ASIC2: variants seen among roughly 807,000 people sequenced by gnomAD.
ASIC2 encodes the protein acid sensing ion channel subunit 2, also known as acid-sensing ion channel 2.
ASIC2 carries 25 observed loss-of-function variants against 57.3 expected under a neutral mutation model. That is an observed-to-expected ratio of 0.44 (90% CI 0.32 to 0.61). ASIC2 has a LOEUF of 0.61. Among genes scored for constraint, ASIC2 ranks in the 20% least tolerant of loss-of-function variants. The pLI, the probability that ASIC2 is intolerant of heterozygous loss-of-function variation, is 0.06. For missense variants in ASIC2, 641 were observed against 738.1 expected (o/e 0.87, Z 1.52); for synonymous variants, 319 against 307.5 (o/e 1.04, Z -0.39).
chr17:33,818,227 C>A (rs921715860), intron 1 of ASIC2, among the ~76,000 whole-genome samples: 4 of 152,190 alleles, frequency 2.6e-5, no homozygotes, highest in African/African-American at 9.7e-5. Flanking sequence ...TGGGAAACTA[C>A]AATCTGCTAC....
In ASIC2 at chr17:33,765,272, A is replaced by AT. The variant is rs549076853; in HGVS notation, c.555+390705dup. On this transcript the variant is annotated intron_variant, in intron 1 of 9. Coordinates refer to the ASIC2 transcript ENST00000359872. ...AGGCGCCCGCTACCACGCCCAGCTA[A>AT]TTTTTTTTTGTATTTTTAGTAGAGA... 2.0e-3 allele frequency among the ~76,000 whole-genome samples: 306 copies of AT among 150,990 alleles called. 1 individual carries two copies. The highest frequency in any genetic ancestry group is 3.4e-3 in the Non-Finnish European group (227 of 67,568).
chr17:33,792,016 C>T (rs1394447064), intron 1 of ASIC2: 1 of 151,998 alleles, frequency 6.6e-6, no homozygotes, highest in African/African-American at 2.4e-5. Context: ...CGTCACGTTG[C>T]CCAGGTTTGT....
intron 1 of ASIC2, among the ~76,000 whole-genome samples, chr17:33,602,389 G>A (rs1234121141): frequency 2.0e-5 from 3 of 152,120 alleles, no homozygotes; most frequent in South Asian, 2.1e-4. Context: ...CCCAGGAGTA[G>A]GCTCCTGATA....
At chr17:34,028,536 C>T (rs1459770573) in intron 1 of ASIC2, among the ~76,000 whole-genome samples, 1 of 152,190 alleles carries the variant, frequency 6.6e-6, no homozygotes, top group Non-Finnish European at 1.5e-5. Context: ...TCACTTCCAG[C>T]TATGAATTTA....
At chr17:33,817,147 G>A (rs769634460) in intron 1 of ASIC2, among the ~76,000 whole-genome samples, 39 of 152,170 alleles carry the variant, frequency 2.6e-4, no homozygotes, top group Non-Finnish European at 3.7e-4. Flanking sequence ...CTGGGCATCC[G>A]GATTCTTCGA....
chr17:33,332,193 G>C (rs1269260998), intron 1 of ASIC2, among the ~76,000 whole-genome samples: 1 of 152,212 alleles, frequency 6.6e-6, no homozygotes, highest in Non-Finnish European at 1.5e-5. Context: ...CCTTCTTGGT[G>C]CCAGGGAGGC....
In ASIC2 at chr17:33,529,445, T is replaced by A. The variant is rs61087944; in HGVS notation, c.556-417378A>T. Among the ~76,000 whole-genome samples, 563 of 152,274 alleles carry A rather than the reference T, an allele frequency of 3.7e-3. 5 individuals are homozygous for A. Among genetic ancestry groups the A allele is most frequent in the African/African-American group, 0.013 (546 of 41,570 alleles). ...ATCAGCATCAACATCACCTGGGAGCTTGTCAGAACTGCAGAATCTCAGACA... is the reference window on the plus strand; with the variant it reads ...ATCAGCATCAACATCACCTGGGAGCATGTCAGAACTGCAGAATCTCAGACA... On this transcript the variant is annotated intron_variant, in intron 1 of 9. Coordinates refer to the ASIC2 transcript ENST00000359872.
At position 33,286,334 on chromosome 17, in the gene ASIC2, T is replaced by C. The variant is rs149441460; in HGVS notation, c.708+5074A>G. On this transcript the variant is annotated intron_variant, in intron 1 of 9. Coordinates refer to ENST00000225823, the MANE Select transcript of ASIC2 (RefSeq NM_183377.2). ...GGGTGCAGGGAGGAGTGGCTTCTCATAGAGTTAGGAACAGGGTGGCAGCTG... is the reference window on the plus strand; with the variant it reads ...GGGTGCAGGGAGGAGTGGCTTCTCACAGAGTTAGGAACAGGGTGGCAGCTG... Among the ~76,000 whole-genome samples the C allele has an allele frequency of 4.0e-3, 607 of 152,234 alleles. 3 individuals are homozygous for C. The highest frequency in any genetic ancestry group is 0.014 in the African/African-American group (564 of 41,532).
chr17:33,497,995 G>C (rs1913989743), intron 1 of ASIC2, among the ~76,000 whole-genome samples: 1 of 152,210 alleles, frequency 6.6e-6, no homozygotes, highest in Non-Finnish European at 1.5e-5. Context: ...GTTCCTCAGA[G>C]GAGGCCAGGC....
chr17:33,925,334 C>T lies in ASIC2; in HGVS notation c.555+230644G>A, dbSNP rs140741183. ...CCATGCATGACACTTCTCGTCCTCCCCTCCAGGGAAGGCCAATGGTAACCC... is the reference window on the plus strand; with the variant it reads ...CCATGCATGACACTTCTCGTCCTCCTCTCCAGGGAAGGCCAATGGTAACCC... On this transcript the variant is annotated intron_variant, in intron 1 of 9. Coordinates refer to the ASIC2 transcript ENST00000359872. 1.9e-4 allele frequency among the ~76,000 whole-genome samples: 29 copies of T among 152,372 alleles called. 1 individual carries two copies. The highest frequency in any genetic ancestry group is 6.3e-4 in the African/African-American group (26 of 41,590).
At chr17:33,279,448 C>A (rs1904848098) in intron 1 of ASIC2, among the ~76,000 whole-genome samples, 2 of 152,178 alleles carry the variant, frequency 1.3e-5, no homozygotes, top group African/African-American at 2.4e-5. Context: ...GACTTTGGGC[C>A]ATGAACTCAT....
At chr17:33,074,109 C>A (rs1007078278) in intron 3 of ASIC2, among the ~76,000 whole-genome samples, 2 of 152,038 alleles carry the variant, frequency 1.3e-5, no homozygotes, top group Admixed American at 1.3e-4. Flanking sequence ...CCCCAGGAGC[C>A]CTAACTGAGG....
intron 3 of ASIC2, among the ~76,000 whole-genome samples, chr17:33,030,514 C>A (rs1332431864): frequency 2.6e-5 from 4 of 151,834 alleles, no homozygotes; most frequent in Non-Finnish European, 5.9e-5. Context: ...ATTTTTATTT[C>A]TTTTTCTTAC....
chr17:33,291,426 C>T lies in ASIC2; in HGVS notation c.690G>A (p.Gly230=), dbSNP rs141720961. The T allele has an allele frequency of 4.2e-5, 67 of 1,602,326 alleles. No homozygotes were observed. Among genetic ancestry groups the T allele is most frequent in the African/African-American group, 5.3e-5 (4 of 74,816 alleles). ...LSCKYRGELC[G]PHNFSSVFTK... ...AACTCACGGAGGAGAAGTTGTGCGG[C>T]CCGCAGAGCTCGCCGCGGTACTTGC... The change falls in exon 1 of 10, where the codon GGG becomes GGA. Residue 230 remains glycine (G), a synonymous_variant. Coordinates refer to ENST00000225823, the MANE Select transcript of ASIC2 (RefSeq NM_183377.2).
At chr17:34,146,217 T>C (rs768418287) in intron 1 of ASIC2, among the ~76,000 whole-genome samples, 1 of 152,204 alleles carries the variant, frequency 6.6e-6, no homozygotes, top group Non-Finnish European at 1.5e-5. Flanking sequence ...GGAATTGTTA[T>C]CGCCGTCTTG....
intron 1 of ASIC2, among the ~76,000 whole-genome samples, chr17:34,046,676 C>T (rs77139239): frequency 2.1e-3 from 323 of 152,272 alleles, no homozygotes; most frequent in African/African-American, 7.2e-3. Context: ...ACCATGGAAA[C>T]GAATGGCTTT....
At chr17:33,877,685 G>A (rs538186895) in intron 1 of ASIC2, among the ~76,000 whole-genome samples, 122 of 152,352 alleles carry the variant, frequency 8.0e-4, no homozygotes, top group Non-Finnish European at 1.4e-3. Flanking sequence ...TCTGGGGGCA[G>A]GGCACAGCCA....
intron 1 of ASIC2, among the ~76,000 whole-genome samples, chr17:33,585,070 C>T (rs1407903663): frequency 1.3e-5 from 2 of 152,190 alleles, no homozygotes; most frequent in Non-Finnish European, 2.9e-5. Flanking sequence ...GCCTCCTTCC[C>T]TCCAGCCTAG....
At chr17:33,988,395 T>C (rs1433770873) in intron 1 of ASIC2, among the ~76,000 whole-genome samples, 5 of 152,216 alleles carry the variant, frequency 3.3e-5, no homozygotes, top group African/African-American at 1.2e-4. Flanking sequence ...GGAGTTCCCC[T>C]GCACAAGCTC....
Sources: allele counts gnomAD v4.1 joint callset (sites outside exome capture counted in the v4.1 genomes callset), GRCh38; gene constraint gnomAD v4.1.1; transcripts MANE v1.5; gene names NCBI Gene and HGNC (gene_info 2026-07-23, HGNC 2026-07-21).